Variants in DMRT1 observed in about 807,000 individuals in gnomAD.
The protein encoded by DMRT1 is doublesex and mab-3 related transcription factor 1, also known as doublesex- and mab-3-related transcription factor 1.
In DMRT1, 7 loss-of-function variants were observed where a neutral mutation model predicts 32.3. The ratio of observed to expected loss-of-function variants is 0.22; its 90% CI spans 0.12 to 0.41. The LOEUF is 0.41. DMRT1 is among the 10% of genes least tolerant of loss of function. The probability of loss-of-function intolerance (pLI) is 1.00; values close to 1 mark genes in which losing one functional copy is unlikely to be tolerated. For synonymous variants in DMRT1, 278 were observed against 206.1 expected (o/e 1.35, Z -2.99); for missense variants, 625 against 500.5 (o/e 1.25, Z -2.37).
At chr9:906,027 ACACC>A (rs142154326) in intron 3 of DMRT1, among the ~76,000 whole-genome samples, 92,453 of 137,456 alleles carry the variant, frequency 0.67, 29,865 homozygotes, top group East Asian at 0.84. Flanking sequence ...TGTGACACAC[ACACC>A]CACACACACA....
Position 907,127 on chromosome 9 carries a change from A to G in DMRT1, c.823-9636A>G, listed in dbSNP as rs375961576. Among the ~76,000 whole-genome samples the G allele has an allele frequency of 1.1e-4, 16 of 152,348 alleles. No individual in the cohort carries two copies. The East Asian group carries it at 2.5e-3, about 24-fold the overall frequency. ...CCCCATCCGTACAAACACACACCCCAGTCTTAAGAAGCATTGTAGATGCCT... is the reference window on the plus strand; with the variant it reads ...CCCCATCCGTACAAACACACACCCCGGTCTTAAGAAGCATTGTAGATGCCT... On this transcript the variant is annotated intron_variant, in intron 3 of 4. Transcript: ENST00000382276.
At chr9:878,862 G>T (rs1042685600) in intron 2 of DMRT1, among the ~76,000 whole-genome samples, 2 of 152,134 alleles carry the variant, frequency 1.3e-5, no homozygotes, top group African/African-American at 2.4e-5. Context: ...ACGTGCAAAG[G>T]CTGGGACATG....
At chr9:946,616 C>T (rs945967321) in intron 4 of DMRT1, among the ~76,000 whole-genome samples, 1 of 152,210 alleles carries the variant, frequency 6.6e-6, no homozygotes, top group East Asian at 1.9e-4. Context: ...GGCTTTTGTA[C>T]AAACAGAGGT....
chr9:882,735 A>C (rs1039772585), intron 2 of DMRT1, among the ~76,000 whole-genome samples: 8 of 147,536 alleles, frequency 5.4e-5, no homozygotes, highest in African/African-American at 2.0e-4. Flanking sequence ...GGTTGTGCTC[A>C]GTGGCGCCCC....
At chr9:924,305 CAA>C (rs1186642193) in intron 4 of DMRT1, among the ~76,000 whole-genome samples, 3 of 152,176 alleles carry the variant, frequency 2.0e-5, no homozygotes, top group Non-Finnish European at 2.9e-5. Flanking sequence ...CTCCTGACCT[CAA>C]GTGATCTGCC....
chr9:914,263 T>G (rs1586610290), intron 3 of DMRT1, among the ~76,000 whole-genome samples: 1 of 152,064 alleles, frequency 6.6e-6, no homozygotes, highest in African/African-American at 2.4e-5. Flanking sequence ...TATAGCTTCT[T>G]TAACCTTCTA....
intron 2 of DMRT1, among the ~76,000 whole-genome samples, chr9:852,827 G>T (rs1034677274): frequency 6.6e-6 from 1 of 152,180 alleles, no homozygotes; most frequent in Admixed American, 6.5e-5. Context: ...CTGTTAGAAG[G>T]ATCAGTCAGG....
chr9:880,550 A>G (rs1200493148), intron 2 of DMRT1, among the ~76,000 whole-genome samples: 2 of 151,888 alleles, frequency 1.3e-5, no homozygotes, highest in Admixed American at 1.3e-4. Context: ...AATATGGTGA[A>G]TCCCTGTCTC....
rs764351242 is a variant in DMRT1, at chr9:841,848, G to C, written c.10G>C (p.Asp4His). MPN[D>H]EAFSKPSTPS... Reference sequence around the variant, plus strand: ...TTCTCCTAGGGGCACCATGCCCAACGACGAGGCATTCAGCAAGCCCTCTAC... The same window carrying C: ...TTCTCCTAGGGGCACCATGCCCAACCACGAGGCATTCAGCAAGCCCTCTAC... Residue 4 changes from aspartate (D) to histidine (H), a missense_variant, in exon 1 of 5, where the codon GAC becomes CAC. Physicochemically the swap from Asp to His is moderately conservative, Grantham distance 81 (BLOSUM62 -1). Coordinates refer to ENST00000382276, the MANE Select transcript of DMRT1 (RefSeq NM_021951.3). 3.0e-5 allele frequency: 49 copies of C among 1,611,928 alleles called. No homozygotes were observed. The highest frequency in any genetic ancestry group is 4.2e-5 in the Non-Finnish European group (49 of 1,179,354).
intron 2 of DMRT1, among the ~76,000 whole-genome samples, chr9:862,366 C>T (rs1383145827): frequency 2.0e-5 from 3 of 151,980 alleles, no homozygotes; most frequent in South Asian, 2.1e-4. Flanking sequence ...TCAGGTGTGG[C>T]GGCGCGCGCC....
intron 2 of DMRT1, among the ~76,000 whole-genome samples, chr9:872,796 G>T (rs1326688868): frequency 1.3e-5 from 2 of 152,156 alleles, no homozygotes; most frequent in Non-Finnish European, 2.9e-5. Context: ...CTTCAAAGCG[G>T]ACTTGGTGGT....
intron 4 of DMRT1, among the ~76,000 whole-genome samples, chr9:950,212 T>G (rs1322137874): frequency 4.6e-5 from 7 of 152,128 alleles, no homozygotes; most frequent in Non-Finnish European, 2.9e-5. Context: ...GCAACTCAGT[T>G]GATGCCTTAG....
At chr9:899,156 C>A (rs1199851339) in intron 3 of DMRT1, among the ~76,000 whole-genome samples, 1 of 150,786 alleles carries the variant, frequency 6.6e-6, no homozygotes, top group African/African-American at 2.4e-5. Context: ...AAGAAAGATT[C>A]AAATCTTTCT....
chr9:927,146 C>G (rs141397925), intron 4 of DMRT1, among the ~76,000 whole-genome samples: 4 of 152,330 alleles, frequency 2.6e-5, no homozygotes, highest in South Asian at 2.1e-4. Flanking sequence ...CCCTGCTTGC[C>G]TCTTCAGAGG....
At position 963,418 on chromosome 9, in the gene DMRT1, C is replaced by CT. The variant is rs5895881; in HGVS notation, c.968-4558dup. 3.9e-5 allele frequency among the ~76,000 whole-genome samples: 6 copies of CT among 151,974 alleles called. No individual in the cohort carries two copies. In the East Asian group the frequency reaches 5.8e-4, roughly 15 times the overall value. On this transcript the variant is annotated intron_variant, in intron 4 of 4. Transcript: ENST00000382276. ...CATTTAATTGTTTCAACGATCATTA[C>CT]TTTTTTTTTAGTAAATTTATAGTAA...
chr9:858,429 T>C (rs7873478), intron 2 of DMRT1, among the ~76,000 whole-genome samples: 65,670 of 151,932 alleles, frequency 0.43, 14,807 homozygotes, highest in Non-Finnish European at 0.5. Flanking sequence ...TCCTAGTTAC[T>C]TGGTGGTTTG....
chr9:869,120 C>A (rs1054115097), intron 2 of DMRT1, among the ~76,000 whole-genome samples: 1 of 152,310 alleles, frequency 6.6e-6, no homozygotes, highest in Non-Finnish European at 1.5e-5. Context: ...ATGGTTGAGG[C>A]TTCTGAGGAA....
At chr9:916,716 G>C in intron 3 of DMRT1, 47 bp from the exon 4 acceptor site, 1 of 1,605,800 alleles carries the variant, frequency 6.2e-7, no homozygotes, top group Non-Finnish European at 8.5e-7. Flanking sequence ...TACTAGTTGT[G>C]ACATGCAATG....
At chr9:866,792 G>T (rs1816012069) in intron 2 of DMRT1, among the ~76,000 whole-genome samples, 1 of 152,156 alleles carries the variant, frequency 6.6e-6, no homozygotes, top group Non-Finnish European at 1.5e-5. Context: ...TCATCCACTT[G>T]ATGAGGGTGG....
Sources: allele counts gnomAD v4.1 joint callset (sites outside exome capture counted in the v4.1 genomes callset), GRCh38; gene constraint gnomAD v4.1.1; transcripts MANE v1.5; gene names NCBI Gene and HGNC (gene_info 2026-07-23, HGNC 2026-07-21).